The following GLIPR1L2 variants were observed in gnomAD, a reference collection of about 807,000 sequenced individuals.
GLIPR1L2 encodes GLIPR1-like protein 2.
A neutral mutation model predicts 28.4 loss-of-function variants in GLIPR1L2; 21 were observed. The ratio of observed to expected loss-of-function variants is 0.74; its 90% CI spans 0.52 to 1.06. The LOEUF is 1.06. Ranked by LOEUF, GLIPR1L2 falls within the 50% of genes least tolerant of loss-of-function variation. The pLI, the probability that GLIPR1L2 is intolerant of heterozygous loss-of-function variation, is 0.00. For missense variants in GLIPR1L2, 476 were observed against 416.9 expected, an observed-to-expected ratio of 1.14 and a Z score of -1.23; for synonymous variants, 145 against 139.3, an observed-to-expected ratio of 1.04 and a Z score of -0.29.
At chr12:75,414,682 G>A (rs1322035306) in intron 3 of GLIPR1L2, among the ~76,000 whole-genome samples, 1 of 152,044 alleles carries the variant, frequency 6.6e-6, no homozygotes, top group Non-Finnish European at 1.5e-5. Context: ...GAAGCATTGG[G>A]ATACCTATTA....
At chr12:75,416,399 G>C (rs1220430574) in intron 3 of GLIPR1L2, among the ~76,000 whole-genome samples, 4 of 149,092 alleles carry the variant, frequency 2.7e-5, no homozygotes, top group African/African-American at 9.8e-5. Flanking sequence ...CAGCATGTGG[G>C]AGAGTGAATA....
At position 75,431,231 on chromosome 12, in the gene GLIPR1L2, A is replaced by G. The variant is rs1238803702; in HGVS notation, c.*70A>G. The G allele has an allele frequency of 1.7e-6, 1 of 587,768 alleles. No individual in the cohort carries two copies. Among genetic ancestry groups the G allele is most frequent in the East Asian group, 2.8e-5 (1 of 35,898 alleles). The allele number at this position is 587,768 out of a possible 1,614,324, so 36.4% of individuals were successfully genotyped here. On this transcript the variant is annotated 3_prime_UTR_variant, in exon 6 of 6. Coordinates refer to ENST00000550916, the MANE Select transcript of GLIPR1L2 (RefSeq NM_001270396.2). ...AAGTGTAATACAAAAAAAGACAGAA[A>G]AAAAAAAAAAGTAAAACACTGAGTT...
chr12:75,398,658 A>G (rs933818856), intron 1 of GLIPR1L2, among the ~76,000 whole-genome samples: 3 of 152,310 alleles, frequency 2.0e-5, no homozygotes, highest in African/African-American at 7.2e-5. Context: ...CTCATGTACC[A>G]GATAATGGGC....
intron 4 of GLIPR1L2, among the ~76,000 whole-genome samples, chr12:75,426,946 A>G (rs982320752): frequency 6.6e-6 from 1 of 152,202 alleles, no homozygotes; most frequent in Non-Finnish European, 1.5e-5. Context: ...AGAAGAGATG[A>G]ATGAAAAAAC....
intron 1 of GLIPR1L2, chr12:75,403,243 A>T: frequency 2.5e-6 from 1 of 397,894 alleles, no homozygotes; most frequent in Non-Finnish European, 5.0e-6. Context: ...AACTCTCTGA[A>T]GCTGGATTAC....
intron 4 of GLIPR1L2, among the ~76,000 whole-genome samples, chr12:75,429,793 T>G (rs1325617785): frequency 6.6e-6 from 1 of 151,930 alleles, no homozygotes; most frequent in Non-Finnish European, 1.5e-5. Flanking sequence ...GTTCGGCAGT[T>G]CTCCCCTCAC....
chr12:75,401,082 G>A (rs1378344902), intron 1 of GLIPR1L2, among the ~76,000 whole-genome samples: 16 of 151,800 alleles, frequency 1.1e-4, no homozygotes, highest in Admixed American at 9.2e-4. Context: ...ATTTACAAAA[G>A]AGAAGTGAGC....
At chr12:75,396,102 T>G (rs1297618960) in intron 1 of GLIPR1L2, among the ~76,000 whole-genome samples, 1 of 152,202 alleles carries the variant, frequency 6.6e-6, no homozygotes, top group Non-Finnish European at 1.5e-5. Context: ...CCAAGGTATT[T>G]TCTTTTGTGA....
intron 2 of GLIPR1L2, among the ~76,000 whole-genome samples, chr12:75,412,597 C>T (rs2045879896): frequency 6.6e-6 from 1 of 152,094 alleles, no homozygotes; most frequent in African/African-American, 2.4e-5. Flanking sequence ...TGAAAAAATG[C>T]TCATCATCAC....
chr12:75,405,965 C>G (rs1239354534), intron 1 of GLIPR1L2, among the ~76,000 whole-genome samples: 1 of 149,828 alleles, frequency 6.7e-6, no homozygotes, highest in East Asian at 1.9e-4. Context: ...ACTTAGGTTA[C>G]TGGTCTGCTC....
At chr12:75,417,726 A>G (rs906912133) in intron 3 of GLIPR1L2, among the ~76,000 whole-genome samples, 1 of 152,178 alleles carries the variant, frequency 6.6e-6, no homozygotes, top group Non-Finnish European at 1.5e-5. Flanking sequence ...CCTAATCTAC[A>G]AAGATATCTG....
rs2046001018 is a variant in GLIPR1L2 at position 75,423,569 on chromosome 12, G to A, written c.670+580G>A. 6 of 631,148 alleles carry A rather than the reference G, an allele frequency of 9.5e-6. No individual in the cohort carries two copies. In the South Asian group the frequency reaches 2.9e-4, roughly 30 times the overall value. 39.1% of individuals were successfully genotyped at this position (631,148 alleles called of 1,614,324 possible). ...GGATAATAAGTAAATAGCATATTAT[G>A]TTGTTTTTTAATTATTATACTTTAA... On this transcript the variant is annotated intron_variant, in intron 4 of 5. Transcript: ENST00000550916.
At chr12:75,422,198 T>C (rs1352134332) in intron 3 of GLIPR1L2, among the ~76,000 whole-genome samples, 1 of 151,696 alleles carries the variant, frequency 6.6e-6, no homozygotes, top group Admixed American at 6.6e-5. Context: ...CTTGCTATGT[T>C]ACCCAGGCTG....
intron 3 of GLIPR1L2, among the ~76,000 whole-genome samples, chr12:75,418,369 G>A (rs1652912250): frequency 6.6e-6 from 1 of 152,106 alleles, no homozygotes; most frequent in African/African-American, 2.4e-5. Context: ...AGCTATATTA[G>A]TGAATTTACT....
At position 75,422,926 on chromosome 12, in the gene GLIPR1L2, T is replaced by C. The variant is rs545047033; in HGVS notation, c.607T>C (p.Tyr203His). 6 of 1,611,828 alleles carry C rather than the reference T, an allele frequency of 3.7e-6. No individual in the cohort carries two copies. The East Asian group carries it at 1.3e-4, about 36-fold the overall frequency. Residue 203 changes from tyrosine to histidine, a missense_variant, in exon 4 of 6, where the codon TAT (tyrosine) becomes CAT (histidine). Transcript: ENST00000550916. ...APGGTLTRRP[Y>H]EPGIFCTRCG... is the part of the protein sequence containing the mutation. ...TAGAGGAACACTGACGAGAAGACCT[T>C]ATGAACCAGGAATATTTTGTACTCG...
chr12:75,422,305 C>CT lies in GLIPR1L2; in HGVS notation c.585-583dup, dbSNP rs34747987. On this transcript the variant is annotated intron_variant, in intron 3 of 5. Transcript: ENST00000550916. The stretch of plus-strand genomic sequence containing the variant: ...GCTACCCCACCCAGCCTACATCATT[C>CT]TTTTTTTTTTTTTTTTGAGACAGAG... 5.1e-3 allele frequency among the ~76,000 whole-genome samples: 655 copies of CT among 129,296 alleles called. 2 individuals carry two copies. Among genetic ancestry groups the CT allele is most frequent in the East Asian group, 0.015 (62 of 4,262 alleles). The allele number at this position is 129,296 out of a possible 152,430, so 84.8% of individuals were successfully genotyped here. A position where few individuals can be genotyped will look rare whatever the true frequency, so the allele number is the denominator to read the frequency against.
intron 4 of GLIPR1L2, among the ~76,000 whole-genome samples, chr12:75,429,380 T>G (rs867246843): frequency 1.1e-4 from 16 of 152,352 alleles, no homozygotes; most frequent in African/African-American, 3.8e-4. Context: ...TTCTCCCATT[T>G]GGAATGGGAG....
At chr12:75,394,245 A>G (rs2045659588) in intron 1 of GLIPR1L2, among the ~76,000 whole-genome samples, 1 of 152,042 alleles carries the variant, frequency 6.6e-6, no homozygotes, top group Non-Finnish European at 1.5e-5. Flanking sequence ...ATCCTTTGAT[A>G]AACAAAAGTT....
At chr12:75,427,363 CAA>C (rs1187188411) in intron 4 of GLIPR1L2, among the ~76,000 whole-genome samples, 1 of 152,024 alleles carries the variant, frequency 6.6e-6, no homozygotes, top group Non-Finnish European at 1.5e-5. Context: ...AACTATATGA[CAA>C]AAGACTTTTT....
Sources: allele counts gnomAD v4.1 joint callset (sites outside exome capture counted in the v4.1 genomes callset), GRCh38; gene constraint gnomAD v4.1.1; transcripts MANE v1.5; gene names NCBI Gene and HGNC (gene_info 2026-07-23, HGNC 2026-07-21).